Variants in SUCO observed in about 807,000 individuals in gnomAD.
SUCO encodes SUN domain-containing ossification factor.
A neutral mutation model predicts 148.1 loss-of-function variants in SUCO; 57 were observed. That is an observed-to-expected ratio of 0.38 (90% CI 0.31 to 0.48). The LOEUF (loss-of-function observed/expected upper bound fraction) is 0.48, where lower values mean the gene tolerates loss of function less well. Ranked by LOEUF, SUCO falls within the 20% of genes least tolerant of loss-of-function variation. SUCO has a pLI of 0.96. For missense variants in SUCO, 1,331 were observed against 1,468.2 expected, an observed-to-expected ratio of 0.91 and a Z score of 1.53; for synonymous variants, 470 against 502.7, an observed-to-expected ratio of 0.93 and a Z score of 0.87.
Position 172,610,505 on chromosome 1 carries a change from A to C in SUCO, c.*246A>C. The C allele has an allele frequency of 4.7e-6, 2 of 424,838 alleles. No individual in the cohort carries two copies. Among genetic ancestry groups the C allele is most frequent in the Non-Finnish European group, 7.5e-6 (2 of 266,842 alleles). The allele number at this position is 424,838 out of a possible 1,614,324, so 26.3% of individuals were successfully genotyped here. A position where few individuals can be genotyped will look rare whatever the true frequency, so the allele number is the denominator to read the frequency against. ...CATTTTATAAAGATGTTTTTTCACA[A>C]GATTAATTACTGGGACAAAAGTAAT... is the stretch of plus-strand genomic sequence containing the variant. On this transcript the variant is annotated 3_prime_UTR_variant, in exon 24 of 24. Transcript: ENST00000263688.
intron 23 of SUCO, among the ~76,000 whole-genome samples, chr1:172,609,050 G>C (rs1369302714): frequency 2.6e-5 from 4 of 151,976 alleles, no homozygotes; most frequent in Non-Finnish European, 4.4e-5. Context: ...ATGCAAGAGA[G>C]AAAATGTGTG....
At position 172,589,420 on chromosome 1, in the gene SUCO, C is replaced by T. The variant is rs755905985; in HGVS notation, c.2319C>T (p.Ile773=). The change falls in exon 18 of 24, where the codon ATC becomes ATT. Residue 773 remains isoleucine, a synonymous_variant. Transcript: ENST00000263688. ...TTCCCCAAGAGAGTTCTGTTGAGAT[C>T]GATAATGAAACAGAACAAAAGTCTG... ...PVIPQESSVE[I]DNETEQKSES... is the part of the protein sequence containing the mutation. The T allele has an allele frequency of 9.9e-6, 16 of 1,613,174 alleles. No homozygotes were observed. The highest frequency in any genetic ancestry group is 1.4e-5 in the Non-Finnish European group (16 of 1,179,670).
intron 19 of SUCO, among the ~76,000 whole-genome samples, chr1:172,594,401 T>C (rs566582061): frequency 2.6e-5 from 4 of 152,236 alleles, no homozygotes; most frequent in Non-Finnish European, 5.9e-5. Context: ...TTTCTTACTT[T>C]TTCTTGTGGG....
At chr1:172,561,616 G>A (rs565985034) in intron 6 of SUCO, among the ~76,000 whole-genome samples, 1 of 152,106 alleles carries the variant, frequency 6.6e-6, no homozygotes, top group Non-Finnish European at 1.5e-5. Context: ...GGACAAGAGA[G>A]GTGTTTCCTA....
Position 172,579,250 on chromosome 1 carries a change from T to G in SUCO, c.1481T>G (p.Leu494Arg). The change falls in exon 15 of 24, where the codon CTT (leucine) becomes CGT (arginine). Residue 494 changes from leucine (L) to arginine (R), a missense_variant. Physicochemically the swap from Leu to Arg is moderately radical, Grantham distance 102. Transcript: ENST00000263688. ...NTGEDKSSKN[L>R]LGSATNAILN... is the part of the protein sequence containing the mutation. ...GGAGAGGATAAATCCTCAAAAAATC[T>G]TCTTGGTTCTGCTACAAGTGAGTAT... 2 of 1,599,278 alleles carry G rather than the reference T, an allele frequency of 1.3e-6. No individual in the cohort carries two copies. The highest frequency in any genetic ancestry group is 1.7e-6 in the Non-Finnish European group (2 of 1,168,268).
chr1:172,571,005 A>G (rs1654924848), intron 9 of SUCO, among the ~76,000 whole-genome samples: 2 of 152,212 alleles, frequency 1.3e-5, no homozygotes, highest in Admixed American at 1.3e-4. Context: ...CGTAACTGCA[A>G]GAGGAGATGA....
Position 172,593,609 on chromosome 1 carries a change from A to T in SUCO, c.2913+2538A>T, listed in dbSNP as rs149776389. On this transcript the variant is annotated intron_variant, in intron 19 of 23. Transcript: ENST00000263688. Reference sequence around the variant, plus strand: ...TTTCCATGTGTTGAACCAGCCGTGCATCCCAGGGATGAAGCCAACTTGATC... The same window carrying T: ...TTTCCATGTGTTGAACCAGCCGTGCTTCCCAGGGATGAAGCCAACTTGATC... Among the ~76,000 whole-genome samples, 5 of 152,220 alleles carry T rather than the reference A, an allele frequency of 3.3e-5. No homozygotes were observed. The East Asian group carries it at 9.6e-4, about 29-fold the overall frequency.
chr1:172,587,969 C>A, intron 17 of SUCO: 1 of 478,358 alleles, frequency 2.1e-6, no homozygotes, highest in Non-Finnish European at 2.7e-6. Flanking sequence ...CACATACATA[C>A]TCCACAGCCT....
intron 9 of SUCO, among the ~76,000 whole-genome samples, chr1:172,571,270 G>A (rs996689659): frequency 2.6e-5 from 4 of 152,210 alleles, no homozygotes; most frequent in African/African-American, 7.2e-5. Flanking sequence ...TGTGTTGGCC[G>A]GGCTGGTCTC....
intron 2 of SUCO, chr1:172,552,194 T>C (rs1653355169): frequency 6.6e-6 from 1 of 152,092 alleles, no homozygotes; most frequent in Non-Finnish European, 1.5e-5. Flanking sequence ...TATTTATTAT[T>C]TATGTCTCAT....
chr1:172,553,114 C>G (rs529654703), intron 2 of SUCO, 146 bp from the exon 3 acceptor site: 9 of 853,956 alleles, frequency 1.1e-5, no homozygotes, highest in Middle Eastern at 8.1e-4. Context: ...AGACAATAAT[C>G]TTGTATACAA....
At chr1:172,602,303 A>T in intron 21 of SUCO, 85 bp downstream of exon 21, 1 of 1,388,804 alleles carries the variant, frequency 7.2e-7, no homozygotes, top group Non-Finnish European at 9.5e-7. Context: ...ATAAAGGGAG[A>T]CTGAGGTAAT....
At chr1:172,557,003 A>G in intron 4 of SUCO, 3 of 978,454 alleles carry the variant, frequency 3.1e-6, no homozygotes, top group Non-Finnish European at 3.6e-6. Context: ...GAATTAGTAT[A>G]GTAATGATGG....
At position 172,611,044 on chromosome 1, in the gene SUCO, T is replaced by A. The variant is rs1352843082; in HGVS notation, c.*785T>A. 6.6e-6 allele frequency: 1 copy of A among 152,618 alleles called. No homozygotes were observed. The highest frequency in any genetic ancestry group is 1.5e-5 in the Non-Finnish European group (1 of 68,026). The allele number at this position is 152,618 out of a possible 1,614,324, so 9.5% of individuals were successfully genotyped here. ...AACACACTTAACCATTTGTGAAGGTTTTCTTTAGCTTACATTTTAAACATA... is the reference window on the plus strand; with the variant it reads ...AACACACTTAACCATTTGTGAAGGTATTCTTTAGCTTACATTTTAAACATA... On this transcript the variant is annotated 3_prime_UTR_variant, in exon 24 of 24. Coordinates refer to ENST00000263688, the MANE Select transcript of SUCO (RefSeq NM_014283.5).
intron 6 of SUCO, among the ~76,000 whole-genome samples, chr1:172,567,682 C>A (rs1046543169): frequency 2.0e-5 from 3 of 152,144 alleles, no homozygotes; most frequent in African/African-American, 7.2e-5. Flanking sequence ...AATGAACATT[C>A]TTATGCATAT....
intron 23 of SUCO, chr1:172,609,352 C>G (rs924441916): frequency 1.7e-5 from 17 of 984,234 alleles, no homozygotes; most frequent in Non-Finnish European, 1.9e-5. Flanking sequence ...GGTGAAAGAA[C>G]TTGGGCTTTG....
At chr1:172,595,764 C>T (rs1657049024) in intron 19 of SUCO, among the ~76,000 whole-genome samples, 1 of 152,170 alleles carries the variant, frequency 6.6e-6, no homozygotes, top group African/African-American at 2.4e-5. Context: ...CTTGGAGTTG[C>T]TCTTCTCGAG....
intron 14 of SUCO, 55 bp downstream of exon 14, chr1:172,578,444 T>C: frequency 6.5e-7 from 1 of 1,545,218 alleles, no homozygotes; most frequent in African/African-American, 1.4e-5. Flanking sequence ...TTTTTAAAAA[T>C]CGAATAGTAA....
chr1:172,532,475 G>C (rs867394270), upstream of SUCO: 6 of 1,611,374 alleles, frequency 3.7e-6, no homozygotes, highest in Non-Finnish European at 5.1e-6. Context: ...CCAATCAGAT[G>C]AGAGGATTCT....
Sources: allele counts gnomAD v4.1 joint callset (sites outside exome capture counted in the v4.1 genomes callset), GRCh38; gene constraint gnomAD v4.1.1; transcripts MANE v1.5; gene names NCBI Gene and HGNC (gene_info 2026-07-23, HGNC 2026-07-21).